DOCK5: variants seen among roughly 807,000 people sequenced by gnomAD.
The protein encoded by DOCK5 is dedicator of cytokinesis 5.
A neutral mutation model predicts 251.8 loss-of-function variants in DOCK5; 142 were observed. The ratio of observed to expected loss-of-function variants is 0.56; its 90% CI spans 0.49 to 0.65. DOCK5 has a LOEUF of 0.65. Among genes scored for constraint, DOCK5 ranks in the 30% least tolerant of loss-of-function variants. DOCK5 has a pLI of 0.00. For missense variants in DOCK5, 2,111 were observed against 2,312.3 expected (o/e 0.91, Z 1.79); for synonymous variants, 842 against 835.5 (o/e 1.01, Z -0.13).
intron 2 of DOCK5, among the ~76,000 whole-genome samples, chr8:25,255,491 T>C (rs1357085387): frequency 6.6e-6 from 1 of 152,026 alleles, no homozygotes; most frequent in Non-Finnish European, 1.5e-5. Flanking sequence ...ACTATGGAGA[T>C]GGTAAAAAGA....
At chr8:25,263,824 C>T (rs973570086) in intron 2 of DOCK5, among the ~76,000 whole-genome samples, 4 of 151,868 alleles carry the variant, frequency 2.6e-5, no homozygotes, top group African/African-American at 4.9e-5. Flanking sequence ...GCCCAGGTCA[C>T]TCTGCTCCAC....
chr8:25,302,360 C>G lies in DOCK5; in HGVS notation c.882C>G (p.Val294=). 6.2e-7 allele frequency: 1 copy of G among 1,613,468 alleles called. No homozygotes were observed. The highest frequency in any genetic ancestry group is 1.3e-5 in the African/African-American group (1 of 75,050). The change falls in exon 10 of 52, where the codon GTC becomes GTG. Residue 294 remains valine, a synonymous_variant. Transcript: ENST00000276440. ...LSSMDLIRPR[V]SLVCQIVRVG... is the part of the protein sequence containing the mutation. ...GCATGGACCTCATCCGGCCCCGCGTCAGCCTTGTGTGCCAGATTGTCCGCG... is the reference window on the plus strand; with the variant it reads ...GCATGGACCTCATCCGGCCCCGCGTGAGCCTTGTGTGCCAGATTGTCCGCG...
chr8:25,332,467 TTGTTAA>T, intron 19 of DOCK5, 119 bp downstream of exon 19: 1 of 1,196,448 alleles, frequency 8.4e-7, no homozygotes, highest in Non-Finnish European at 1.2e-6. Flanking sequence ...AAAATCTACG[TTGTTAA>T]ACAAGTGTGC....
At chr8:25,214,863 C>A (rs1173884765) in intron 1 of DOCK5, among the ~76,000 whole-genome samples, 1 of 152,154 alleles carries the variant, frequency 6.6e-6, no homozygotes, top group East Asian at 1.9e-4. Flanking sequence ...GCACAGAGGA[C>A]CAGATGGGAT....
In DOCK5 at chr8:25,243,353, C is replaced by T. The variant is rs1313353125; in HGVS notation, c.44-321C>T. 1.3e-4 allele frequency among the ~76,000 whole-genome samples: 19 copies of T among 143,492 alleles called. No homozygotes were observed. In the East Asian group the frequency reaches 1.4e-3, roughly 11 times the overall value. The allele number at this position is 143,492 out of a possible 152,430, so 94.1% of individuals were successfully genotyped here. ...CATTCTTTTTTTTTTTTTTTTGAGA[C>T]GGAGTCTCATTTTATCACCCAGGCT... On this transcript the variant is annotated intron_variant, in intron 1 of 51. Transcript: ENST00000276440.
Position 25,298,861 on chromosome 8 carries a change from C to CTTAT in DOCK5, c.607-64_607-61dup, listed in dbSNP as rs927754446. 1.4e-4 allele frequency: 192 copies of CTTAT among 1,390,868 alleles called. No individual in the cohort carries two copies. The East Asian group carries it at 3.2e-3, about 23-fold the overall frequency. The allele number at this position is 1,390,868 out of a possible 1,614,324, so 86.2% of individuals were successfully genotyped here. A position where few individuals can be genotyped will look rare whatever the true frequency, so the allele number is the denominator to read the frequency against. On this transcript the variant is annotated intron_variant, in intron 7 of 51. Coordinates refer to ENST00000276440, the MANE Select transcript of DOCK5 (RefSeq NM_024940.8). ...CCAGGCTTTGTCTGCCATTTGCAGG[C>CTTAT]TTATTTATTTATTTATTTATTTTTG...
intron 48 of DOCK5, among the ~76,000 whole-genome samples, chr8:25,405,820 A>G (rs1801512902): frequency 6.6e-6 from 1 of 151,182 alleles, no homozygotes; most frequent in Non-Finnish European, 1.5e-5. Context: ...CTTTCTGCCT[A>G]GCAATATATT....
chr8:25,332,433 A>G, intron 19 of DOCK5, 85 bp downstream of exon 19: 1 of 1,249,266 alleles, frequency 8.0e-7, no homozygotes, highest in South Asian at 1.4e-5. Flanking sequence ...CACCATTTAA[A>G]ATTAAATCAT....
chr8:25,356,425 G>A (rs1320877500), intron 27 of DOCK5, among the ~76,000 whole-genome samples: 1 of 152,142 alleles, frequency 6.6e-6, no homozygotes, highest in African/African-American at 2.4e-5. Flanking sequence ...TAGCACTTCG[G>A]GAGGCTGAAC....
At chr8:25,252,095 A>G (rs1472263137) in intron 2 of DOCK5, among the ~76,000 whole-genome samples, 1 of 151,996 alleles carries the variant, frequency 6.6e-6, no homozygotes, top group Non-Finnish European at 1.5e-5. Context: ...TTGGATTATG[A>G]TACAGTATGG....
chr8:25,265,767 T>C (rs562588326), intron 2 of DOCK5, among the ~76,000 whole-genome samples: 1 of 152,018 alleles, frequency 6.6e-6, no homozygotes, highest in Admixed American at 6.5e-5. Context: ...ACAGAAAGTG[T>C]GCAGGAGCCA....
chr8:25,396,112 G>C (rs1395695755), intron 45 of DOCK5, among the ~76,000 whole-genome samples: 1 of 152,124 alleles, frequency 6.6e-6, no homozygotes, highest in African/African-American at 2.4e-5. Flanking sequence ...AGGTGTAGTG[G>C]TTCACACCTG....
intron 1 of DOCK5, among the ~76,000 whole-genome samples, chr8:25,236,523 A>T (rs568114890): frequency 6.6e-6 from 1 of 152,186 alleles, no homozygotes; most frequent in Non-Finnish European, 1.5e-5. Context: ...TTTTTATAGA[A>T]TGCATATCTG....
chr8:25,246,704 T>TTGTGTGTGTGTGTGTG (rs55963570), intron 2 of DOCK5, among the ~76,000 whole-genome samples: 9 of 89,602 alleles, frequency 1.0e-4, no homozygotes, highest in East Asian at 3.5e-4. Flanking sequence ...CCATGTTAGT[T>TTGTGTGTGTGTGTGTG]TGTGTGTGTG....
chr8:25,285,310 T>A (rs1027471024), intron 5 of DOCK5, among the ~76,000 whole-genome samples: 1 of 152,134 alleles, frequency 6.6e-6, no homozygotes, highest in Non-Finnish European at 1.5e-5. Flanking sequence ...CACGCCTGGC[T>A]AATTTTTGTA....
chr8:25,397,980 T>A (rs2659575), intron 45 of DOCK5, among the ~76,000 whole-genome samples: 145,134 of 152,290 alleles, frequency 0.95, 69,480 homozygotes, highest in East Asian at 1. Context: ...ATCAGTGGGG[T>A]AGCCCGTCAT....
chr8:25,237,477 T>C (rs1342002931), intron 1 of DOCK5, among the ~76,000 whole-genome samples: 1 of 152,248 alleles, frequency 6.6e-6, no homozygotes, highest in Non-Finnish European at 1.5e-5. Context: ...AAGTCTGTTC[T>C]GTTGGTTTCT....
chr8:25,213,240 G>A (rs1431020911), intron 1 of DOCK5, among the ~76,000 whole-genome samples: 1 of 151,936 alleles, frequency 6.6e-6, no homozygotes, highest in African/African-American at 2.4e-5. Context: ...TCAAATGAAT[G>A]GGCACCAGGA....
At chr8:25,219,155 T>G (rs1351101595) in intron 1 of DOCK5, among the ~76,000 whole-genome samples, 12 of 152,192 alleles carry the variant, frequency 7.9e-5, no homozygotes, top group Non-Finnish European at 1.8e-4. Flanking sequence ...GAGTCACAAT[T>G]TTTTTGTTAA....
Sources: allele counts gnomAD v4.1 joint callset (sites outside exome capture counted in the v4.1 genomes callset), GRCh38; gene constraint gnomAD v4.1.1; transcripts MANE v1.5; gene names NCBI Gene and HGNC (gene_info 2026-07-23, HGNC 2026-07-21).